Variants in PISD observed in about 807,000 individuals in gnomAD.
PISD encodes the protein phosphatidylserine decarboxylase proenzyme, mitochondrial.
A neutral mutation model predicts 43.5 loss-of-function variants in PISD; 31 were observed. The observed-to-expected ratio is 0.71, with a 90% CI of 0.54 to 0.96. The LOEUF (loss-of-function observed/expected upper bound fraction) is 0.96. PISD is among the 40% of genes least tolerant of loss of function. The pLI is 0.00. For missense variants in PISD, 523 were observed against 548.4 expected, an observed-to-expected ratio of 0.95 and a Z score of 0.46; for synonymous variants, 259 against 228.7, an observed-to-expected ratio of 1.13 and a Z score of -1.20.
chr22:31,643,344 T>G (rs921255627), intron 3 of PISD, among the ~76,000 whole-genome samples: 1 of 152,186 alleles, frequency 6.6e-6, no homozygotes, highest in African/African-American at 2.4e-5. Context: ...TTTCAACAAA[T>G]GATGCTGGGA....
At chr22:31,649,395 C>T (rs2073975345) in intron 2 of PISD, among the ~76,000 whole-genome samples, 1 of 152,108 alleles carries the variant, frequency 6.6e-6, no homozygotes, top group Non-Finnish European at 1.5e-5. Context: ...AGAAGGTGCC[C>T]TTAGTTGGCT....
At chr22:31,639,841 A>C (rs1434364532) in intron 3 of PISD, among the ~76,000 whole-genome samples, 1 of 152,150 alleles carries the variant, frequency 6.6e-6, no homozygotes, top group African/African-American at 2.4e-5. Context: ...TCAACAGCCA[A>C]AGCCACAAGC....
chr22:31,628,920 A>G, intron 3 of PISD: 5 of 985,406 alleles, frequency 5.1e-6, no homozygotes, highest in Non-Finnish European at 6.0e-6. Flanking sequence ...GAAAGATGAA[A>G]TAAGAGGGGC....
At chr22:31,628,132 C>T (rs2073009169) in intron 3 of PISD, 31 of 985,588 alleles carry the variant, frequency 3.1e-5, no homozygotes, top group Non-Finnish European at 3.5e-5. Flanking sequence ...AGCTGTGGGC[C>T]CCAGAAGATC....
rs1435161597 is a variant in PISD, at chr22:31,637,163, AAATATATATATATATATATATATAT to A, written c.321+10913_321+10937del. Among the ~76,000 whole-genome samples the A allele has an allele frequency of 3.7e-3, 76 of 20,408 alleles. 1 individual carries two copies. The Middle Eastern group carries it at 0.087, about 23-fold the overall frequency. The allele number at this position is 20,408 out of a possible 152,430, so 13.4% of individuals were successfully genotyped here. A position where few individuals can be genotyped will look rare whatever the true frequency, so the allele number is the denominator to read the frequency against. ...TAAATTAAAAAAAAAAAAAAAAAAA[AAATATATATATATATATATATATAT>A]ATATATATATATATATATAGAAAAA... On this transcript the variant is annotated intron_variant, in intron 3 of 7. Coordinates refer to ENST00000439502, the MANE Select transcript of PISD (RefSeq NM_001326411.2).
chr22:31,619,615 G>C lies in PISD; in HGVS notation c.1227C>G (p.Leu409=), dbSNP rs765804038. The change falls in exon 8 of 8, where the codon CTC becomes CTG. Residue 409 remains leucine (L), a synonymous_variant. Transcript: ENST00000439502. The part of the protein sequence containing the change: ...KIRFGEALGS[L] Reference sequence around the variant, plus strand: ...AGCCATAATCAGGAAAGAGACTCTAGAGCGAGCCCAGGGCTTCCCCAAAGC... The same window carrying C: ...AGCCATAATCAGGAAAGAGACTCTACAGCGAGCCCAGGGCTTCCCCAAAGC... The C allele has an allele frequency of 1.2e-6, 2 of 1,612,290 alleles. No homozygotes were observed. Among genetic ancestry groups the C allele is most frequent in the African/African-American group, 2.7e-5 (2 of 74,884 alleles).
intron 3 of PISD, among the ~76,000 whole-genome samples, chr22:31,637,149 AAAAAAAAAAAAAAAAATATAT>A (rs996231892): frequency 8.1e-4 from 13 of 16,128 alleles, no homozygotes; most frequent in Admixed American, 5.4e-3. Flanking sequence ...AAATTAAAAA[AAAAAAAAAAAAAAAAATATAT>A]ATATATATAT....
At chr22:31,654,096 T>C (rs1375761169) in intron 1 of PISD, among the ~76,000 whole-genome samples, 2 of 152,174 alleles carry the variant, frequency 1.3e-5, no homozygotes, top group Non-Finnish European at 2.9e-5. Flanking sequence ...AGTAAGGTTT[T>C]GTTCCTATCA....
rs1192851578 is a variant in PISD at position 31,634,856 on chromosome 22, TAGAAAA to T, written c.322-12977_322-12972del. Among the ~76,000 whole-genome samples the T allele has an allele frequency of 7.0e-5, 6 of 85,364 alleles. 1 individual carries two copies. Among genetic ancestry groups the T allele is most frequent in the Admixed American group, 2.5e-4 (2 of 7,962 alleles). 56.0% of individuals were successfully genotyped at this position (85,364 alleles called of 152,430 possible). On this transcript the variant is annotated intron_variant, in intron 3 of 7. Coordinates refer to ENST00000439502, the MANE Select transcript of PISD (RefSeq NM_001326411.2). ...TCTCAAAAAAAAAAAAAAAAAAAAA[TAGAAAA>T]AGAAAAAGAAAAAGTGCTTTTAGGC...
chr22:31,622,506 CTT>C (rs1474430747), intron 3 of PISD, among the ~76,000 whole-genome samples: 1 of 152,212 alleles, frequency 6.6e-6, no homozygotes, highest in Non-Finnish European at 1.5e-5. Context: ...AGCCAGCACT[CTT>C]GAGGGCCTGG....
chr22:31,654,488 C>T (rs2074113017), intron 1 of PISD, among the ~76,000 whole-genome samples: 1 of 152,160 alleles, frequency 6.6e-6, no homozygotes, highest in South Asian at 2.1e-4. Context: ...TCCTCTCAAA[C>T]TGAGTCTGTA....
rs1480395871 is a variant in PISD, at chr22:31,618,723, T to C, written c.*889A>G. The C allele has an allele frequency of 1.8e-5, 5 of 272,766 alleles. No individual in the cohort carries two copies. The highest frequency in any genetic ancestry group is 3.4e-5 in the Non-Finnish European group (5 of 145,758). The allele number at this position is 272,766 out of a possible 1,614,324, so 16.9% of individuals were successfully genotyped here. Reference sequence around the variant, plus strand: ...GCGTTCCTGATAAACTGGGACAGGTTTTCCAGGCACTGACCAACTATCCAC... The same window carrying C: ...GCGTTCCTGATAAACTGGGACAGGTCTTCCAGGCACTGACCAACTATCCAC... On this transcript the variant is annotated 3_prime_UTR_variant, in exon 8 of 8. Coordinates refer to ENST00000439502, the MANE Select transcript of PISD (RefSeq NM_001326411.2).
At chr22:31,637,204 T>TATATATATATATACAC (rs1267117734) in intron 3 of PISD, among the ~76,000 whole-genome samples, 8 of 95,796 alleles carry the variant, frequency 8.4e-5, no homozygotes, top group African/African-American at 2.6e-4. Context: ...TATATATATA[T>TATATATATATATACAC]ATAGAAAAAT....
intron 3 of PISD, among the ~76,000 whole-genome samples, chr22:31,636,257 G>A (rs2062669646): frequency 6.6e-6 from 1 of 151,964 alleles, no homozygotes; most frequent in African/African-American, 2.4e-5. Flanking sequence ...TATTCCTTTT[G>A]ATGAATTGGA....
At chr22:31,646,432 C>T (rs2073890180) in intron 3 of PISD, among the ~76,000 whole-genome samples, 1 of 152,202 alleles carries the variant, frequency 6.6e-6, no homozygotes, top group African/African-American at 2.4e-5. Context: ...TTACAACCAT[C>T]TTCCAGGTCT....
Position 31,619,846 on chromosome 22 carries a change from T to A in PISD, c.1006-10A>T. On this transcript the variant is annotated splice_polypyrimidine_tract_variant and intron_variant, in intron 7 of 7. Coordinates refer to ENST00000439502, the MANE Select transcript of PISD (RefSeq NM_001326411.2). ...TGTTTGTGTGCAGGTCCTGTGGTGA[T>A]AGGCTGGGGGTCAGTGGGGCCCAGG... 1 of 1,601,104 alleles carries A rather than the reference T, an allele frequency of 6.2e-7. No individual in the cohort carries two copies. Among genetic ancestry groups the A allele is most frequent in the Non-Finnish European group, 8.5e-7 (1 of 1,169,800 alleles).
At chr22:31,637,719 C>G (rs2073554099) in intron 3 of PISD, among the ~76,000 whole-genome samples, 1 of 152,214 alleles carries the variant, frequency 6.6e-6, no homozygotes, top group Non-Finnish European at 1.5e-5. Context: ...CAATTCTCTT[C>G]CCATGCTGAC....
intron 2 of PISD, among the ~76,000 whole-genome samples, chr22:31,649,876 C>G (rs2073986239): frequency 6.6e-6 from 1 of 152,076 alleles, no homozygotes; most frequent in African/African-American, 2.4e-5. Flanking sequence ...AAGCTGAAGG[C>G]AGAGATTGGA....
intron 3 of PISD, among the ~76,000 whole-genome samples, chr22:31,635,381 C>A (rs935342293): frequency 3.3e-5 from 5 of 152,040 alleles, no homozygotes; most frequent in African/African-American, 1.2e-4. Flanking sequence ...TGGCTCACCA[C>A]AACCTCTGCC....
Sources: allele counts gnomAD v4.1 joint callset (sites outside exome capture counted in the v4.1 genomes callset), GRCh38; gene constraint gnomAD v4.1.1; transcripts MANE v1.5; gene names NCBI Gene and HGNC (gene_info 2026-07-23, HGNC 2026-07-21).